Variants in SLC15A2 observed in about 807,000 individuals in gnomAD.
SLC15A2 encodes solute carrier family 15 member 2, also known as kidney H(+)/peptide cotransporter.
Under a neutral mutation model 95.5 loss-of-function variants are expected in SLC15A2, and 77 were observed. The observed-to-expected ratio is 0.81, with a 90% CI of 0.67 to 0.97. The LOEUF (loss-of-function observed/expected upper bound fraction) is 0.97. SLC15A2 is among the 50% of genes least tolerant of loss of function. SLC15A2 has a pLI of 0.00. For missense variants in SLC15A2, 893 were observed against 874.4 expected, an observed-to-expected ratio of 1.02 and a Z score of -0.27; for synonymous variants, 306 against 306.9, an observed-to-expected ratio of 1.00 and a Z score of 0.03.
At chr3:121,898,714 A>G (rs1015348562) in intron 3 of SLC15A2, among the ~76,000 whole-genome samples, 3 of 152,312 alleles carry the variant, frequency 2.0e-5, no homozygotes, top group African/African-American at 7.2e-5. Flanking sequence ...GAACTATAAA[A>G]TCTCCATAGA....
intron 19 of SLC15A2, among the ~76,000 whole-genome samples, chr3:121,935,088 C>A (rs1391269630): frequency 6.6e-6 from 1 of 152,144 alleles, no homozygotes; most frequent in African/African-American, 2.4e-5. Context: ...GTATATTGAA[C>A]CAGCCTTGCA....
At chr3:121,903,208 T>C (rs971397460) in intron 3 of SLC15A2, among the ~76,000 whole-genome samples, 1 of 152,260 alleles carries the variant, frequency 6.6e-6, no homozygotes, top group African/African-American at 2.4e-5. Context: ...GTTGTTTTTT[T>C]CTTGTAAATT....
chr3:121,924,181 C>G (rs1352858147), intron 11 of SLC15A2, among the ~76,000 whole-genome samples, 170 bp from the exon 12 acceptor site: 2 of 152,190 alleles, frequency 1.3e-5, no homozygotes, highest in Non-Finnish European at 2.9e-5. Flanking sequence ...CAAGTCTGTT[C>G]CCATCCCCCA....
chr3:121,935,860 G>A (rs1326493966), intron 19 of SLC15A2, among the ~76,000 whole-genome samples: 3 of 152,052 alleles, frequency 2.0e-5, no homozygotes, highest in Non-Finnish European at 4.4e-5. Flanking sequence ...TGATGTTAGG[G>A]TGTCAATTTT....
rs1710491335 is a variant in SLC15A2 at position 121,943,184 on chromosome 3, T to C, written c.*2177T>C. The stretch of plus-strand genomic sequence containing the variant: ...GGGAGGCTGAAGCAGAAGAATTGCT[T>C]GAACCCGGGAGGCAGAGGTTGCAAT... On this transcript the variant is annotated 3_prime_UTR_variant, in exon 22 of 22. Coordinates refer to ENST00000489711, the MANE Select transcript of SLC15A2 (RefSeq NM_021082.4). The C allele has an allele frequency of 1.3e-5, 2 of 152,254 alleles. No homozygotes were observed. Among genetic ancestry groups the C allele is most frequent in the South Asian group, 4.2e-4 (2 of 4,816 alleles). 9.4% of individuals were successfully genotyped at this position (152,254 alleles called of 1,614,324 possible).
At chr3:121,925,783 A>ATAT (rs1559850504) in intron 13 of SLC15A2, among the ~76,000 whole-genome samples, 12 of 47,160 alleles carry the variant, frequency 2.5e-4, no homozygotes, top group African/African-American at 3.8e-4. Context: ...TATATATATA[A>ATAT]AATACAACTA....
Position 121,922,265 on chromosome 3 carries a change from A to C in SLC15A2, c.743A>C (p.Glu248Ala). ...GSKIYNKPPP[E>A]GNIVAQVFKC... ...AAAATATACAATAAACCACCCCCTG[A>C]AGGAAACATAGTGGCTCAAGTTTTC... is the stretch of plus-strand genomic sequence containing the variant. The change falls in exon 8 of 22, where the codon GAA becomes GCA. Residue 248 changes from glutamate (E) to alanine (A), a missense_variant. Glu to Ala is a moderately radical substitution (Grantham distance 107). Coordinates refer to ENST00000489711, the MANE Select transcript of SLC15A2 (RefSeq NM_021082.4). 1 of 1,613,984 alleles carries C rather than the reference A, an allele frequency of 6.2e-7. No homozygotes were observed. Among genetic ancestry groups the C allele is most frequent in the Non-Finnish European group, 8.5e-7 (1 of 1,179,866 alleles).
At chr3:121,915,421 T>C (rs749952356) in intron 6 of SLC15A2, 104 bp downstream of exon 6, 280 of 860,530 alleles carry the variant, frequency 3.3e-4, no homozygotes, top group Non-Finnish European at 5.0e-4. Context: ...AAGAGCTTGA[T>C]AATCTGTGAA....
Position 121,907,408 on chromosome 3 carries a change from C to T in SLC15A2, c.336-4166C>T, listed in dbSNP as rs552302192. On this transcript the variant is annotated intron_variant, in intron 3 of 21. Coordinates refer to ENST00000489711, the MANE Select transcript of SLC15A2 (RefSeq NM_021082.4). Reference sequence around the variant, plus strand: ...TTGTTCCATTGCTGGCAAGGAGCTGCGATCCTTTGGAGGAGAAGAGGCACT... The same window carrying T: ...TTGTTCCATTGCTGGCAAGGAGCTGTGATCCTTTGGAGGAGAAGAGGCACT... 6.6e-5 allele frequency among the ~76,000 whole-genome samples: 10 copies of T among 152,318 alleles called. No individual in the cohort carries two copies. The South Asian group carries it at 1.0e-3, about 16-fold the overall frequency.
intron 18 of SLC15A2, 65 bp from the exon 19 acceptor site, chr3:121,931,574 C>T: frequency 1.0e-6 from 1 of 994,892 alleles, no homozygotes; most frequent in Non-Finnish European, 1.6e-6. Context: ...ATCACTTTCA[C>T]CTGGAGATGG....
chr3:121,925,726 C>CTATA (rs67563324), intron 13 of SLC15A2, among the ~76,000 whole-genome samples: 23 of 33,818 alleles, frequency 6.8e-4, no homozygotes, highest in Non-Finnish European at 7.7e-4. Flanking sequence ...AGGGGCTAGA[C>CTATA]TATATATATA....
At chr3:121,915,559 A>G in intron 6 of SLC15A2, 57 bp from the exon 7 acceptor site, 3 of 1,341,204 alleles carry the variant, frequency 2.2e-6, no homozygotes, top group Non-Finnish European at 3.2e-6. Context: ...TGTAGAATAA[A>G]ACATCAAATA....
intron 7 of SLC15A2, among the ~76,000 whole-genome samples, chr3:121,920,903 A>T (rs1313392556): frequency 1.3e-5 from 2 of 152,238 alleles, no homozygotes; most frequent in Non-Finnish European, 2.9e-5. Flanking sequence ...GAGGGGCATC[A>T]CGCTGAAGCT....
rs1473847267 is a variant in SLC15A2, at chr3:121,940,942, GAT to G, written c.2127_2128del (p.Asp709GlufsTer25). ...GACAGAGGATATGCGGGGTCCAGCA[GAT>G]AAGCACATTCCTCACATCCAGGGGA... ...VKTEDMRGPA[D>X]KHIPHIQGNM... On this transcript the variant is annotated frameshift_variant, in exon 22 of 22. Transcript: ENST00000489711. LOFTEE classifies it high-confidence loss of function. The G allele has an allele frequency of 6.2e-7, 1 of 1,614,182 alleles. No homozygotes were observed. The highest frequency in any genetic ancestry group is 8.5e-7 in the Non-Finnish European group (1 of 1,180,016).
intron 3 of SLC15A2, among the ~76,000 whole-genome samples, chr3:121,905,294 A>C (rs1709612506): frequency 6.6e-6 from 1 of 152,140 alleles, no homozygotes; most frequent in Admixed American, 6.5e-5. Flanking sequence ...TCTTTCAAAA[A>C]ACCAGCTCCT....
rs1710456168 is a variant in SLC15A2 at position 121,941,090 on chromosome 3, G to A, written c.*83G>A. The A allele has an allele frequency of 7.8e-7, 1 of 1,278,182 alleles. No homozygotes were observed. The highest frequency in any genetic ancestry group is 1.5e-5 in the African/African-American group (1 of 66,846). The allele number at this position is 1,278,182 out of a possible 1,614,324, so 79.2% of individuals were successfully genotyped here. On this transcript the variant is annotated 3_prime_UTR_variant, in exon 22 of 22. Transcript: ENST00000489711. ...TTCTTCTACTGGATTAGACAAGAGA[G>A]ATAGCAGCATATCAGAGCTGATCTC...
intron 18 of SLC15A2, among the ~76,000 whole-genome samples, chr3:121,931,305 T>G (rs1362457086): frequency 6.6e-6 from 1 of 152,248 alleles, no homozygotes; most frequent in Non-Finnish European, 1.5e-5. Flanking sequence ...GCTTATCTTC[T>G]CAGGTTCACT....
chr3:121,920,617 C>T (rs1223806953), intron 7 of SLC15A2, among the ~76,000 whole-genome samples: 2 of 152,102 alleles, frequency 1.3e-5, no homozygotes, highest in South Asian at 2.1e-4. Flanking sequence ...TTTTTATCTG[C>T]CCACTTGACT....
At chr3:121,928,157 T>C (rs1029936835) in intron 14 of SLC15A2, 16 of 542,536 alleles carry the variant, frequency 2.9e-5, no homozygotes, top group Non-Finnish European at 5.2e-5. Flanking sequence ...TTTTGGCAGA[T>C]TGAATAGCCA....
Sources: gnomAD v4.1 joint callset for allele counts (sites outside exome capture counted in the v4.1 genomes callset) on GRCh38, gnomAD v4.1.1 for gene constraint, MANE v1.5 for transcripts, NCBI Gene and HGNC (gene_info 2026-07-23, HGNC 2026-07-21) for gene names.